MGLL: variants seen among roughly 807,000 people sequenced by gnomAD.
MGLL encodes monoglyceride lipase.
MGLL carries 7 observed loss-of-function variants against 29.1 expected under a neutral mutation model. The observed-to-expected ratio is 0.24, with a 90% CI of 0.14 to 0.45. MGLL has a LOEUF of 0.45. Among genes scored for constraint, MGLL ranks in the 20% least tolerant of loss-of-function variants. The pLI, the probability that MGLL is intolerant of heterozygous loss-of-function variation, is 0.99. For synonymous variants in MGLL, 148 were observed against 168.3 expected (o/e 0.88, Z 0.93); for missense variants, 356 against 413.6 (o/e 0.86, Z 1.21).
intron 3 of MGLL, among the ~76,000 whole-genome samples, chr3:127,753,733 G>C (rs78866525): frequency 1.1e-3 from 167 of 152,344 alleles, no homozygotes; most frequent in African/African-American, 3.5e-3. Flanking sequence ...AAGAAGAGCA[G>C]GAGATGTTCC....
At chr3:127,777,732 C>T (rs1013078651) in intron 3 of MGLL, among the ~76,000 whole-genome samples, 2 of 136,210 alleles carry the variant, frequency 1.5e-5, no homozygotes, top group African/African-American at 5.2e-5. Context: ...GAAGACAAAA[C>T]TTCCCTTTGC....
At chr3:127,745,424 T>C (rs779432390) in intron 3 of MGLL, among the ~76,000 whole-genome samples, 58 of 152,330 alleles carry the variant, frequency 3.8e-4, no homozygotes, top group Middle Eastern at 3.4e-3. Context: ...GAGGCCATTA[T>C]CTTAAGTGAA....
chr3:127,810,713 T>A (rs974688991), intron 2 of MGLL, among the ~76,000 whole-genome samples: 1 of 152,206 alleles, frequency 6.6e-6, no homozygotes, highest in East Asian at 1.9e-4. Flanking sequence ...GCTAGTGCCA[T>A]GGAGAGGTCA....
At chr3:127,757,967 G>C (rs2076693858) in intron 3 of MGLL, among the ~76,000 whole-genome samples, 1 of 152,224 alleles carries the variant, frequency 6.6e-6, no homozygotes, top group African/African-American at 2.4e-5. Flanking sequence ...GGGGGCTTCT[G>C]TTCCTGTTTT....
At chr3:127,702,018 T>C (rs903364302) in intron 6 of MGLL, among the ~76,000 whole-genome samples, 6 of 152,136 alleles carry the variant, frequency 3.9e-5, no homozygotes, top group African/African-American at 1.4e-4. Context: ...TCTCACCTGC[T>C]AGGGTCCACA....
At chr3:127,821,893 G>T in intron 1 of MGLL, 55 bp from the exon 2 acceptor site, 1 of 1,561,796 alleles carries the variant, frequency 6.4e-7, no homozygotes, top group Non-Finnish European at 8.7e-7. Flanking sequence ...AACATGTATG[G>T]ATAGGAGAGA....
At chr3:127,701,215 CAAA>C (rs60128956) in intron 6 of MGLL, among the ~76,000 whole-genome samples, 15 of 56,424 alleles carry the variant, frequency 2.7e-4, no homozygotes, top group South Asian at 1.7e-3. Context: ...ACCCTGCCTC[CAAA>C]AAAAAAAAAA....
chr3:127,797,262 G>A (rs2077398614), intron 2 of MGLL, among the ~76,000 whole-genome samples: 1 of 152,014 alleles, frequency 6.6e-6, no homozygotes, highest in African/African-American at 2.4e-5. Context: ...GGGACATTCT[G>A]TGTGGCTGTC....
chr3:127,695,341 C>A (rs778189532), intron 6 of MGLL, 151 bp from the exon 7 acceptor site: 6 of 743,164 alleles, frequency 8.1e-6, no homozygotes, highest in Admixed American at 7.4e-5. Context: ...GAAGGCCAGC[C>A]GTGTTCATCC....
At chr3:127,777,949 T>G (rs73203084) in intron 3 of MGLL, among the ~76,000 whole-genome samples, 14,026 of 152,212 alleles carry the variant, frequency 0.092, 770 homozygotes, top group South Asian at 0.15. Flanking sequence ...AACCCATGAG[T>G]TCATTTTGTA....
chr3:127,728,031 C>T lies in MGLL; in HGVS notation c.263-5465G>A, dbSNP rs557842323. On this transcript the variant is annotated intron_variant, in intron 3 of 7. Transcript: ENST00000265052. ...TTATTTTCTCTGTGTGCTTATGTTACTAATTTGATAATTAGATGCATTAAC... is the reference window on the plus strand; with the variant it reads ...TTATTTTCTCTGTGTGCTTATGTTATTAATTTGATAATTAGATGCATTAAC... 7.2e-5 allele frequency among the ~76,000 whole-genome samples: 11 copies of T among 152,276 alleles called. No individual in the cohort carries two copies. In the South Asian group the frequency reaches 2.1e-3, roughly 29 times the overall value.
chr3:127,694,444 G>A (rs1046794954), intron 7 of MGLL, among the ~76,000 whole-genome samples: 6 of 151,716 alleles, frequency 4.0e-5, no homozygotes, highest in South Asian at 2.1e-4. Flanking sequence ...TAGTCTTGCT[G>A]TCTAATATTC....
intron 3 of MGLL, among the ~76,000 whole-genome samples, chr3:127,767,547 G>A (rs1042801698): frequency 1.7e-4 from 26 of 152,258 alleles, no homozygotes; most frequent in Middle Eastern, 3.4e-3. Flanking sequence ...AAAGCACATG[G>A]TAGGCACTCG....
intron 3 of MGLL, among the ~76,000 whole-genome samples, chr3:127,742,940 G>C (rs372376968): frequency 1.3e-5 from 2 of 152,262 alleles, no homozygotes; most frequent in South Asian, 4.1e-4. Context: ...TCAGCCTCTC[G>C]AGTAGCTGGG....
chr3:127,719,584 C>T (rs2107619840), intron 5 of MGLL, among the ~76,000 whole-genome samples: 1 of 152,356 alleles, frequency 6.6e-6, no homozygotes, highest in Middle Eastern at 3.4e-3. Flanking sequence ...CCATGGAACG[C>T]AGCGGGAACG....
intron 2 of MGLL, among the ~76,000 whole-genome samples, chr3:127,783,143 CAAAA>C (rs72041528): frequency 3.1e-5 from 2 of 63,930 alleles, no homozygotes; most frequent in African/African-American, 1.3e-4. Context: ...GACTCTGTCT[CAAAA>C]AAAAAAAAAA....
chr3:127,742,817 G>A (rs1439209506), intron 3 of MGLL, among the ~76,000 whole-genome samples: 14 of 152,172 alleles, frequency 9.2e-5, no homozygotes, highest in African/African-American at 3.4e-4. Context: ...ATTGCAGGAA[G>A]AGACCATGTG....
intron 3 of MGLL, among the ~76,000 whole-genome samples, chr3:127,729,945 C>T (rs2076118597): frequency 6.6e-6 from 1 of 152,216 alleles, no homozygotes; most frequent in African/African-American, 2.4e-5. Context: ...GCTACAGATC[C>T]ATCCTGCCAA....
Position 127,743,008 on chromosome 3 carries a change from T to C in MGLL, c.263-20442A>G, listed in dbSNP as rs143961345. ...TTTTGTATTTTTAGTAGAGATGGGG[T>C]TTTGCCATGTTGGCCGAGCTGGTCT... is the stretch of plus-strand genomic sequence containing the variant. On this transcript the variant is annotated intron_variant, in intron 3 of 7. Coordinates refer to ENST00000265052, the MANE Select transcript of MGLL (RefSeq NM_007283.7). Among the ~76,000 whole-genome samples the C allele has an allele frequency of 4.1e-3, 623 of 152,276 alleles. 6 individuals are homozygous for C. Among genetic ancestry groups the C allele is most frequent in the African/African-American group, 0.014 (596 of 41,546 alleles).
Sources: gnomAD v4.1 joint callset for allele counts (sites outside exome capture counted in the v4.1 genomes callset) on GRCh38, gnomAD v4.1.1 for gene constraint, MANE v1.5 for transcripts, NCBI Gene and HGNC (gene_info 2026-07-23, HGNC 2026-07-21) for gene names.